Variants in VWA1 observed in about 807,000 individuals in gnomAD.
The protein encoded by VWA1 is von Willebrand factor A domain-containing protein 1.
In VWA1, 12 loss-of-function variants were observed where a neutral mutation model predicts 14.9. The observed-to-expected ratio is 0.80, with a 90% confidence interval of 0.52 to 1.30. The LOEUF is 1.30. Ranked by LOEUF, VWA1 falls within the 50% of genes most tolerant of loss-of-function variation. The pLI, the probability that VWA1 is intolerant of heterozygous loss-of-function variation, is 0.00. For missense variants in VWA1, 800 were observed against 649.1 expected (o/e 1.23, Z -2.53); for synonymous variants, 368 against 310.7 (o/e 1.18, Z -1.94).
At chr1:1,438,170 T>C (rs967035271) in intron 2 of VWA1, among the ~76,000 whole-genome samples, 4 of 152,198 alleles carry the variant, frequency 2.6e-5, no homozygotes, top group Non-Finnish European at 5.9e-5. Flanking sequence ...AGTCTCCGTC[T>C]GTGGGTTAAT....
In VWA1 at chr1:1,439,689, G is replaced by A; in HGVS notation, c.1240G>A (p.Ala414Thr). 1.6e-6 allele frequency: 2 copies of A among 1,277,180 alleles called. No individual in the cohort carries two copies. Among genetic ancestry groups the A allele is most frequent in the South Asian group, 3.2e-5 (2 of 62,222 alleles). 79.1% of individuals were successfully genotyped at this position (1,277,180 alleles called of 1,614,324 possible). ...CGCCTTCCGCTCGGGCCGCGAGAGC[G>A]CGCTGTCCGCCAAGGCCTGCACGCC... ...TAAFRSGRESALSAKACTPDG... is the reference protein window; with the variant it reads ...TAAFRSGRESTLSAKACTPDG... Residue 414 changes from alanine (A) to threonine (T), a missense_variant, in exon 3 of 3, where the codon GCG becomes ACG. By Grantham distance (58) the Ala-to-Thr change is moderately conservative. Transcript: ENST00000476993.
At position 1,439,424 on chromosome 1, in the gene VWA1, C is replaced by G; in HGVS notation, c.975C>G (p.Ala325=). The change falls in exon 3 of 3, where the codon GCC becomes GCG. Residue 325 remains alanine (A), a synonymous_variant. Coordinates refer to ENST00000476993, the MANE Select transcript of VWA1 (RefSeq NM_022834.5). ...SGAGPAPTQL[A]ALPAPEEAGP... is the part of the protein sequence containing the mutation. ...CTGGGCCGGCCCCCACGCAGCTCGC[C>G]GCCCTCCCCGCCCCAGAGGAGGCCG... is the stretch of plus-strand genomic sequence containing the variant. 7.1e-7 allele frequency: 1 copy of G among 1,407,176 alleles called. No individual in the cohort carries two copies. Among genetic ancestry groups the G allele is most frequent in the Non-Finnish European group, 9.1e-7 (1 of 1,092,950 alleles). The allele number at this position is 1,407,176 out of a possible 1,614,324, so 87.2% of individuals were successfully genotyped here. A position where few individuals can be genotyped will look rare whatever the true frequency, so the allele number is the denominator to read the frequency against.
intron 1 of VWA1, 121 bp from the exon 2 acceptor site, chr1:1,436,806 G>C: frequency 9.7e-7 from 1 of 1,034,642 alleles, no homozygotes. Context: ...CCCCAACCTA[G>C]GACCTTTGGG....
In VWA1 at chr1:1,435,783, G is replaced by C. The variant is rs1213641954; in HGVS notation, c.35G>C (p.Ser12Thr). The C allele has an allele frequency of 2.3e-5, 28 of 1,219,630 alleles. No homozygotes were observed. The highest frequency in any genetic ancestry group is 2.4e-5 in the Non-Finnish European group (23 of 974,786). The allele number at this position is 1,219,630 out of a possible 1,614,324, so 75.6% of individuals were successfully genotyped here. A position where few individuals can be genotyped will look rare whatever the true frequency, so the allele number is the denominator to read the frequency against. Residue 12 changes from serine to threonine, a missense_variant, in exon 1 of 3, where the codon AGC (serine) becomes ACC (threonine). Transcript: ENST00000476993. ...LPWTALGLAL[S>T]LRLALARSGA... Reference sequence around the variant, plus strand: ...TGGACGGCGCTCGGCCTGGCCCTGAGCTTGCGGCTGGCGCTGGCGCGGAGC... The same window carrying C: ...TGGACGGCGCTCGGCCTGGCCCTGACCTTGCGGCTGGCGCTGGCGCGGAGC...
At position 1,439,240 on chromosome 1, in the gene VWA1, A is replaced by G; in HGVS notation, c.791A>G (p.Asn264Ser). The change falls in exon 3 of 3, where the codon AAC becomes AGC. Residue 264 changes from asparagine to serine, a missense_variant. Coordinates refer to ENST00000476993, the MANE Select transcript of VWA1 (RefSeq NM_022834.5). ...GAARRQQLPGNATDWIWAGLD... is the reference protein window; with the variant it reads ...GAARRQQLPGSATDWIWAGLD... ...GCAAGACGCCAGCAGCTGCCAGGGA[A>G]CGCCACGGACTGGATCTGGGCCGGC... 4 of 1,607,434 alleles carry G rather than the reference A, an allele frequency of 2.5e-6. No individual in the cohort carries two copies. Among genetic ancestry groups the G allele is most frequent in the Middle Eastern group, 3.3e-4 (2 of 6,048 alleles).
chr1:1,437,062 C>T lies in VWA1; in HGVS notation c.209C>T (p.Ala70Val), dbSNP rs896509596. The T allele has an allele frequency of 6.2e-7, 1 of 1,610,050 alleles. No homozygotes were observed. The highest frequency in any genetic ancestry group is 1.7e-5 in the Admixed American group (1 of 59,672). ...GCTCCACTGCCCCTGGGCACCGGGG[C>T]CCTGCGTGCCAGTCTGGTGCACGTG... Reference protein sequence around the residue: ...LVAPLPLGTGALRASLVHVGS... With the variant: ...LVAPLPLGTGVLRASLVHVGS... The change falls in exon 2 of 3, where the codon GCC becomes GTC. Residue 70 changes from alanine to valine, a missense_variant. Coordinates refer to ENST00000476993, the MANE Select transcript of VWA1 (RefSeq NM_022834.5).
Position 1,439,459 on chromosome 1 carries a change from GCATCGT to G in VWA1, c.1015_1020del (p.Val339_Ile340del). 7.0e-7 allele frequency: 1 copy of G among 1,425,076 alleles called. No individual in the cohort carries two copies. The highest frequency in any genetic ancestry group is 9.1e-7 in the Non-Finnish European group (1 of 1,098,816). 88.3% of individuals were successfully genotyped at this position (1,425,076 alleles called of 1,614,324 possible). ...GCCCCAGAGGAGGCCGGGCCAGAGC[GCATCGT>G]CATCTCCCACGCCCGGCCGCGCAGC... On this transcript the variant is annotated inframe_deletion, in exon 3 of 3. Transcript: ENST00000476993.
Position 1,439,762 on chromosome 1 carries a change from C to G in VWA1, c.1313C>G (p.Pro438Arg). The change falls in exon 3 of 3, where the codon CCG (proline) becomes CGG (arginine). Residue 438 changes from proline (P) to arginine (R), a missense_variant. Coordinates refer to ENST00000476993, the MANE Select transcript of VWA1 (RefSeq NM_022834.5). ...CGCCCCGTGCCCCGCGCCCCGACCCCGGGGACCGCCAGCCGTGAGCCGTAA... is the reference window on the plus strand; with the variant it reads ...CGCCCCGTGCCCCGCGCCCCGACCCGGGGGACCGCCAGCCGTGAGCCGTAA... ...RPRPVPRAPT[P>R]GTASREP 3 of 1,085,804 alleles carry G rather than the reference C, an allele frequency of 2.8e-6. No individual in the cohort carries two copies. The highest frequency in any genetic ancestry group is 3.3e-6 in the Non-Finnish European group (3 of 895,582). 67.3% of individuals were successfully genotyped at this position (1,085,804 alleles called of 1,614,324 possible). A position where few individuals can be genotyped will look rare whatever the true frequency, so the allele number is the denominator to read the frequency against.
rs1352532872 is a variant in VWA1, at chr1:1,439,495, G to T, written c.1046G>T (p.Arg349Leu). Residue 349 changes from arginine (R) to leucine (L), a missense_variant, in exon 3 of 3, where the codon CGC becomes CTC. Coordinates refer to ENST00000476993, the MANE Select transcript of VWA1 (RefSeq NM_022834.5). ...TCCCACGCCCGGCCGCGCAGCCTCC[G>T]CGTGAGTTGGGCCCCAGCGCTGGGC... ...VISHARPRSLRVSWAPALGSA... is the reference protein window; with the variant it reads ...VISHARPRSLLVSWAPALGSA... 1 of 1,414,732 alleles carries T rather than the reference G, an allele frequency of 7.1e-7. No individual in the cohort carries two copies. The highest frequency in any genetic ancestry group is 9.2e-7 in the Non-Finnish European group (1 of 1,088,720). 87.6% of individuals were successfully genotyped at this position (1,414,732 alleles called of 1,614,324 possible).
In VWA1 at chr1:1,440,668, C is replaced by G. The variant is rs1400452401; in HGVS notation, c.*881C>G. On this transcript the variant is annotated 3_prime_UTR_variant, in exon 3 of 3. Transcript: ENST00000476993. ...GTGGGGGTGCCTAGCCAGGTGCAGT[C>G]CCCGCCCCGCCTAGTCCTCGGCGTC... 1 of 166,870 alleles carries G rather than the reference C, an allele frequency of 6.0e-6. No individual in the cohort carries two copies. Among genetic ancestry groups the G allele is most frequent in the Non-Finnish European group, 1.5e-5 (1 of 68,162 alleles). 10.3% of individuals were successfully genotyped at this position (166,870 alleles called of 1,614,324 possible). A position where few individuals can be genotyped will look rare whatever the true frequency, so the allele number is the denominator to read the frequency against.
At chr1:1,437,852 A>G (rs934661619) in intron 2 of VWA1, among the ~76,000 whole-genome samples, 2 of 152,172 alleles carry the variant, frequency 1.3e-5, no homozygotes, top group East Asian at 1.9e-4. Flanking sequence ...CATGCCCACC[A>G]TACCTGGAGA....
rs762573767 is a variant in VWA1 at position 1,436,947 on chromosome 1, C to A, written c.94C>A (p.Arg32=). 35 of 1,607,494 alleles carry A rather than the reference C, an allele frequency of 2.2e-5. No individual in the cohort carries two copies. In the South Asian group the frequency reaches 3.8e-4, roughly 17 times the overall value. ...CCCAGGTCCACCAGCATCAGCCCCC[C>A]GAGGGGACCTGATGTTCCTGCTGGA... ...AERGPPASAP[R]GDLMFLLDSS... Residue 32 remains arginine, a synonymous_variant, in exon 2 of 3, where the codon CGA becomes AGA. Transcript: ENST00000476993.
chr1:1,437,824 G>A (rs769857584), intron 2 of VWA1, among the ~76,000 whole-genome samples: 1 of 152,206 alleles, frequency 6.6e-6, no homozygotes, highest in Non-Finnish European at 1.5e-5. Flanking sequence ...CTGCAGATGG[G>A]CAGCATGTGC....
At chr1:1,438,102 G>A (rs3845296) in intron 2 of VWA1, among the ~76,000 whole-genome samples, 5 of 152,004 alleles carry the variant, frequency 3.3e-5, no homozygotes, top group Non-Finnish European at 7.4e-5. Flanking sequence ...ATGAGGAACC[G>A]GCCACTGGCT....
rs1293892748 is a variant in VWA1, at chr1:1,439,836, C to T, written c.*49C>T. 9.5e-7 allele frequency: 1 copy of T among 1,056,670 alleles called. No individual in the cohort carries two copies. The highest frequency in any genetic ancestry group is 1.1e-6 in the Non-Finnish European group (1 of 874,972). The allele number at this position is 1,056,670 out of a possible 1,614,324, so 65.5% of individuals were successfully genotyped here. ...AGGGCCGGCGCCTACCTGAGGGCCC[C>T]TGTGTCCCGAACCCGGAGCGGAGGC... On this transcript the variant is annotated 3_prime_UTR_variant, in exon 3 of 3. Transcript: ENST00000476993.
chr1:1,437,566 T>A (rs941147994), intron 2 of VWA1, 82 bp downstream of exon 2: 1 of 1,509,600 alleles, frequency 6.6e-7, no homozygotes, highest in African/African-American at 1.4e-5. Flanking sequence ...TGGGAAGATC[T>A]CATGTCCCCA....
At chr1:1,439,060 G>C in intron 2 of VWA1, 21 bp from the exon 3 acceptor site, 2 of 1,593,178 alleles carry the variant, frequency 1.3e-6, no homozygotes, top group Non-Finnish European at 1.7e-6. Flanking sequence ...GCTGTTCCCT[G>C]ACCCCCTGCA....
At position 1,439,281 on chromosome 1, in the gene VWA1, G is replaced by T; in HGVS notation, c.832G>T (p.Asp278Tyr). The T allele has an allele frequency of 6.2e-7, 1 of 1,604,206 alleles. No homozygotes were observed. The highest frequency in any genetic ancestry group is 8.5e-7 in the Non-Finnish European group (1 of 1,177,956). The change falls in exon 3 of 3, where the codon GAC (aspartate) becomes TAC (tyrosine). Residue 278 changes from aspartate to tyrosine, a missense_variant. Asp to Tyr is a radical substitution (Grantham distance 160, BLOSUM62 -3). Coordinates refer to ENST00000476993, the MANE Select transcript of VWA1 (RefSeq NM_022834.5). The part of the protein sequence containing the change: ...WIWAGLDPDT[D>Y]YDVALVPESN... ...CTGGGCCGGCCTCGACCCGGACACG[G>T]ACTACGACGTGGCGCTAGTGCCTGA... is the stretch of plus-strand genomic sequence containing the variant.
rs757856065 is a variant in VWA1, at chr1:1,439,066, C to G, written c.632-15C>G. Reference sequence around the variant, plus strand: ...GAACTGACCGCTGTTCCCTGACCCCCTGCACCACCCACAGACGCGATGCGG... The same window carrying G: ...GAACTGACCGCTGTTCCCTGACCCCGTGCACCACCCACAGACGCGATGCGG... On this transcript the variant is annotated splice_polypyrimidine_tract_variant and intron_variant, in intron 2 of 2. Coordinates refer to ENST00000476993, the MANE Select transcript of VWA1 (RefSeq NM_022834.5). 6.3e-7 allele frequency: 1 copy of G among 1,595,702 alleles called. No individual in the cohort carries two copies. The highest frequency in any genetic ancestry group is 8.5e-7 in the Non-Finnish European group (1 of 1,178,424).
Sources: allele counts gnomAD v4.1 joint callset (sites outside exome capture counted in the v4.1 genomes callset), GRCh38; gene constraint gnomAD v4.1.1; transcripts MANE v1.5; gene names NCBI Gene and HGNC (gene_info 2026-07-23, HGNC 2026-07-21).